The following KHNYN variants were observed in gnomAD, a reference collection of about 807,000 sequenced individuals.
KHNYN encodes the protein protein KHNYN.
A neutral mutation model predicts 62.7 loss-of-function variants in KHNYN; 42 were observed. The ratio of observed to expected loss-of-function variants is 0.67; its 90% CI spans 0.52 to 0.87. The LOEUF is 0.87. Ranked by LOEUF, KHNYN falls within the 40% of genes least tolerant of loss-of-function variation. KHNYN has a pLI of 0.00. For synonymous variants in KHNYN, 347 were observed against 345.6 expected, an observed-to-expected ratio of 1.00 and a Z score of -0.04; for missense variants, 829 against 874.1, an observed-to-expected ratio of 0.95 and a Z score of 0.65.
At chr14:24,427,857 G>A (rs562291434), upstream of KHNYN, 50 of 1,614,116 alleles carry the variant, frequency 3.1e-5, no homozygotes, top group African/African-American at 5.3e-5. This position sits in a 1 kb window ranked among gnomAD's most constrained non-coding sequence, Gnocchi z 4.4. Flanking sequence ...TTCCCCCGAC[G>A]CAGGCGCAGA....
In KHNYN at chr14:24,441,544, C is replaced by G; in HGVS notation, c.*4259C>G. 1.4e-6 allele frequency: 1 copy of G among 710,874 alleles called. No individual in the cohort carries two copies. The allele number at this position is 710,874 out of a possible 1,614,324, so 44.0% of individuals were successfully genotyped here. A position where few individuals can be genotyped will look rare whatever the true frequency, so the allele number is the denominator to read the frequency against. ...GTACACAAAGGTTAGGAGAAACATG[C>G]ATGGATCAAGGGCCTAGGAAGTCAT... On this transcript the variant is annotated 3_prime_UTR_variant, in exon 8 of 8. Coordinates refer to ENST00000553935, the MANE Select transcript of KHNYN (RefSeq NM_015299.3).
Position 24,436,100 on chromosome 14 carries a change from G to C in KHNYN, c.1606G>C (p.Asp536His). The C allele has an allele frequency of 6.2e-7, 1 of 1,614,190 alleles. No homozygotes were observed. The change falls in exon 6 of 8, where the codon GAT (aspartate) becomes CAT (histidine). Residue 536 changes from aspartate to histidine, a missense_variant. Around this residue, in one of 2 missense-constraint regions of KHNYN, gnomAD observed 270 missense variants for 347.1 expected, o/e 0.78. Transcript: ENST00000553935. Reference sequence around the variant, plus strand: ...CATGGTGAAGCTGGCTGAAGAGACAGATGGGATAATTGTCTCCAATGACCA... The same window carrying C: ...CATGGTGAAGCTGGCTGAAGAGACACATGGGATAATTGTCTCCAATGACCA... ...RFMVKLAEET[D>H]GIIVSNDQFR...
In KHNYN at chr14:24,440,788, C is replaced by T. The variant is rs372379499; in HGVS notation, c.*3503C>T. The T allele has an allele frequency of 3.5e-5, 57 of 1,613,696 alleles. No individual in the cohort carries two copies. Among genetic ancestry groups the T allele is most frequent in the South Asian group, 2.1e-4 (19 of 91,080 alleles). ...TACCCAGGCCCGTTTCTCACCTGAG[C>T]GCACCACCACCTGGCGTGTAGAATC... On this transcript the variant is annotated 3_prime_UTR_variant, in exon 8 of 8. Transcript: ENST00000553935.
upstream of KHNYN, chr14:24,429,692 C>G: frequency 2.0e-6 from 2 of 985,414 alleles, no homozygotes. Context: ...TCGGCCACAT[C>G]TTTATTCGCG....
intron 5 of KHNYN, among the ~76,000 whole-genome samples, chr14:24,435,118 C>G (rs1251471841): frequency 6.6e-6 from 1 of 152,154 alleles, no homozygotes; most frequent in Non-Finnish European, 1.5e-5. Flanking sequence ...TGAATGGAGC[C>G]CAGGCATTTT....
intron 7 of KHNYN, 111 bp downstream of exon 7, chr14:24,436,600 C>G (rs2043208871): frequency 6.5e-6 from 5 of 772,792 alleles, no homozygotes; most frequent in Non-Finnish European, 1.0e-5. Context: ...CTTAATTTTG[C>G]AGTGGTTTGA....
chr14:24,429,828 G>A, upstream of KHNYN: 1 of 1,060,436 alleles, frequency 9.4e-7, no homozygotes, highest in Non-Finnish European at 1.1e-6. Context: ...CCCTGGAGCC[G>A]CCGAGGGGAC....
upstream of KHNYN, chr14:24,428,210 C>T (rs751957473): frequency 2.2e-5 from 34 of 1,575,312 alleles, no homozygotes; most frequent in African/African-American, 4.0e-5. Flanking sequence ...AGAGTCCACC[C>T]GGAGGTCAGC....
At position 24,431,909 on chromosome 14, in the gene KHNYN, G is replaced by C. The variant is rs1309278974; in HGVS notation, c.648G>C (p.Leu216Phe). 47 of 1,613,944 alleles carry C rather than the reference G, an allele frequency of 2.9e-5. No homozygotes were observed. The highest frequency in any genetic ancestry group is 3.6e-5 in the Non-Finnish European group (43 of 1,180,020). ...CTTGGGAGGGGCGGAGCTCAGCCTT[G>C]CTGGGTGCTCAGTGCCAAGGAGTGA... ...LASWEGRSSA[L>F]LGAQCQGVRA... Residue 216 changes from leucine to phenylalanine, a missense_variant, in exon 3 of 8, where the codon TTG becomes TTC. Leu to Phe is a conservative substitution (Grantham distance 22, BLOSUM62 0). Coordinates refer to ENST00000553935, the MANE Select transcript of KHNYN (RefSeq NM_015299.3).
At chr14:24,431,030 T>C in intron 2 of KHNYN, 99 bp downstream of exon 2, 8 of 1,144,876 alleles carry the variant, frequency 7.0e-6, no homozygotes, top group Non-Finnish European at 8.6e-6. Flanking sequence ...AGGAGGGGCC[T>C]GGGGAGGATC....
At position 24,432,257 on chromosome 14, in the gene KHNYN, T is replaced by C. The variant is rs1410102205; in HGVS notation, c.996T>C (p.Cys332=). 3.1e-6 allele frequency: 5 copies of C among 1,612,358 alleles called. No individual in the cohort carries two copies. The South Asian group carries it at 5.5e-5, about 18-fold the overall frequency. The change falls in exon 3 of 8, where the codon TGT becomes TGC. Residue 332 remains cysteine, a synonymous_variant. Transcript: ENST00000553935. This position sits in a 1 kb window ranked among gnomAD's most constrained non-coding sequence, Gnocchi z 5.6. ...AGCCTCCCGGTGCCCATGGCTCCTGTCACAGGGCAGCTCAGTCCCGAGGAG... is the reference window on the plus strand; with the variant it reads ...AGCCTCCCGGTGCCCATGGCTCCTGCCACAGGGCAGCTCAGTCCCGAGGAG... The part of the protein sequence containing the change: ...HREPPGAHGS[C]HRAAQSRGAS...
In KHNYN at chr14:24,430,844, G is replaced by T. The variant is rs1566495926; in HGVS notation, c.114G>T (p.Gly38=). The T allele has an allele frequency of 6.2e-7, 1 of 1,613,584 alleles. No homozygotes were observed. Among genetic ancestry groups the T allele is most frequent in the Non-Finnish European group, 8.5e-7 (1 of 1,179,800 alleles). ...QPHVERIFSV[G]VSVLPKDCPD... is the part of the protein sequence containing the mutation. ...ATGTGGAGCGCATCTTCAGCGTGGG[G>T]GTGAGCGTCCTTCCGAAGGACTGTC... The change falls in exon 2 of 8, where the codon GGG becomes GGT. Residue 38 remains glycine (G), a synonymous_variant. Transcript: ENST00000553935.
chr14:24,434,359 C>G, intron 5 of KHNYN: 1 of 985,316 alleles, frequency 1.0e-6, no homozygotes, highest in African/African-American at 1.7e-5. Context: ...GTAAAATATG[C>G]TTAACTGGAA....
rs766928562 is a variant in KHNYN at position 24,436,138 on chromosome 14, G to A, written c.1644G>A (p.Leu548=). 4 of 1,614,036 alleles carry A rather than the reference G, an allele frequency of 2.5e-6. No homozygotes were observed. In the African/African-American group the frequency reaches 4.0e-5, roughly 16 times the overall value. ...TCTCCAATGACCAGTTCCGGGACCTGGCGGAGGAGTCTGAGAAGTGGATGG... is the reference window on the plus strand; with the variant it reads ...TCTCCAATGACCAGTTCCGGGACCTAGCGGAGGAGTCTGAGAAGTGGATGG... ...IIVSNDQFRD[L]AEESEKWMAI... Residue 548 remains leucine, a synonymous_variant, in exon 6 of 8, where the codon CTG becomes CTA. Transcript: ENST00000553935.
chr14:24,424,056 A>C, the KHNYN span, among the ~76,000 whole-genome samples: 2 of 152,218 alleles, frequency 1.3e-5, no homozygotes, highest in Non-Finnish European at 2.9e-5. Flanking sequence ...TTTCAACTGA[A>C]TCACTAATAT....
At chr14:24,429,854 C>A, upstream of KHNYN, 1 of 1,012,548 alleles carries the variant, frequency 9.9e-7, no homozygotes, top group Non-Finnish European at 1.2e-6. Context: ...CGAGCGGGCC[C>A]GTCGGGGCCT....
chr14:24,432,205 G>A lies in KHNYN; in HGVS notation c.944G>A (p.Gly315Glu). Residue 315 changes from glycine (G) to glutamate (E), a missense_variant, in exon 3 of 8, where the codon GGA becomes GAA. Transcript: ENST00000553935. The surrounding 1 kb of genome is among the most constrained non-coding windows in gnomAD (Gnocchi z 5.6). ...KALGKEEIAL[G>E]GGGFCVHREP... ...CTGGGGAAGGAGGAGATAGCTCTGG[G>A]AGGAGGAGGGTTCTGTGTCCACCGT... 1 of 1,591,518 alleles carries A rather than the reference G, an allele frequency of 6.3e-7. No homozygotes were observed. The highest frequency in any genetic ancestry group is 1.3e-5 in the African/African-American group (1 of 74,662).
rs758205967 is a variant in KHNYN, at chr14:24,431,681, G to C, written c.420G>C (p.Glu140Asp). Residue 140 changes from glutamate to aspartate, a missense_variant, in exon 3 of 8, where the codon GAG becomes GAC. Physicochemically the swap from Glu to Asp is conservative, Grantham distance 45. Transcript: ENST00000553935. ...MAQSRVEELA[E>D]RLSWDFTPGP... ...AGAGCCGGGTAGAAGAGCTGGCAGA[G>C]CGGCTGAGCTGGGACTTCACGCCAG... 1.4e-5 allele frequency: 23 copies of C among 1,614,182 alleles called. No individual in the cohort carries two copies. The highest frequency in any genetic ancestry group is 1.9e-5 in the Non-Finnish European group (23 of 1,180,036).
chr14:24,427,543 C>T, upstream of KHNYN: 2 of 498,036 alleles, frequency 4.0e-6, no homozygotes, highest in Non-Finnish European at 7.0e-6. The surrounding 1 kb of genome is among the most constrained non-coding windows in gnomAD (Gnocchi z 4.4). Flanking sequence ...CCTAGGGCTG[C>T]AGGCAGGAAC....
Sources: allele counts gnomAD v4.1 joint callset (sites outside exome capture counted in the v4.1 genomes callset), GRCh38; gene constraint gnomAD v4.1.1; regional missense constraint gnomAD v4.1.1; non-coding constraint Gnocchi (gnomAD v3.1); transcripts MANE v1.5; gene names NCBI Gene and HGNC (gene_info 2026-07-23, HGNC 2026-07-21).